PPARGC1A: variants seen among roughly 807,000 people sequenced by gnomAD.
PPARGC1A encodes peroxisome proliferator-activated receptor gamma coactivator 1-alpha.
A neutral mutation model predicts 88.7 loss-of-function variants in PPARGC1A; 25 were observed. The ratio of observed to expected loss-of-function variants is 0.28; its 90% confidence interval spans 0.21 to 0.39. The LOEUF (loss-of-function observed/expected upper bound fraction) is 0.39. Ranked by LOEUF, PPARGC1A falls within the 10% of genes least tolerant of loss-of-function variation. The pLI is 1.00. For synonymous variants in PPARGC1A, 363 were observed against 355.6 expected (o/e 1.02, Z -0.24); for missense variants, 880 against 968.7 (o/e 0.91, Z 1.22).
At chr4:24,383,636 G>C in the PPARGC1A span, among the ~76,000 whole-genome samples, 3 of 152,130 alleles carry the variant, frequency 2.0e-5, no homozygotes, top group African/African-American at 7.2e-5. Flanking sequence ...AGAGATTGAA[G>C]ATTAACTTAA....
At chr4:24,446,901 G>A in the PPARGC1A span, among the ~76,000 whole-genome samples, 2 of 152,108 alleles carry the variant, frequency 1.3e-5, no homozygotes, top group Admixed American at 6.6e-5. Flanking sequence ...CTCCCAGATT[G>A]AATTTATTAA....
At chr4:24,002,087 CA>C in the PPARGC1A span, among the ~76,000 whole-genome samples, 2 of 139,164 alleles carry the variant, frequency 1.4e-5, no homozygotes, top group Admixed American at 7.4e-5. Flanking sequence ...CACACACACA[CA>C]CACACACACA....
the PPARGC1A span, among the ~76,000 whole-genome samples, chr4:23,999,219 T>G: frequency 1.3e-5 from 2 of 152,202 alleles, no homozygotes; most frequent in African/African-American, 4.8e-5. Context: ...TATCGCTGTA[T>G]TAGATGTTGT....
At chr4:24,464,464 A>C in the PPARGC1A span, among the ~76,000 whole-genome samples, 3 of 152,248 alleles carry the variant, frequency 2.0e-5, no homozygotes, top group Admixed American at 6.5e-5. Context: ...TAGGGACTAA[A>C]CTGCTACTGG....
the PPARGC1A span, among the ~76,000 whole-genome samples, chr4:24,172,136 G>A: frequency 0.016 from 2,472 of 152,216 alleles, 71 homozygotes; most frequent in African/African-American, 0.057. Context: ...AAAAAGGCTG[G>A]GGCCAAGCCT....
the PPARGC1A span, among the ~76,000 whole-genome samples, chr4:24,280,861 T>G: frequency 6.6e-6 from 1 of 152,224 alleles, no homozygotes; most frequent in East Asian, 1.9e-4. Context: ...AGCAACTTCT[T>G]GCTGAAGCCT....
the PPARGC1A span, among the ~76,000 whole-genome samples, chr4:24,201,720 T>C: frequency 6.6e-6 from 1 of 152,320 alleles, no homozygotes; most frequent in East Asian, 1.9e-4. Flanking sequence ...AAGTCTCTCT[T>C]CAATGCATTT....
the PPARGC1A span, among the ~76,000 whole-genome samples, chr4:23,994,800 G>A: frequency 6.6e-6 from 1 of 152,146 alleles, no homozygotes; most frequent in Non-Finnish European, 1.5e-5. Context: ...TATCAGAAAT[G>A]ACAGTGACTA....
the PPARGC1A span, among the ~76,000 whole-genome samples, chr4:24,062,769 C>T: frequency 6.6e-6 from 1 of 152,336 alleles, no homozygotes; most frequent in Admixed American, 6.5e-5. Flanking sequence ...GAAACTTTAT[C>T]ATTGACTATA....
the PPARGC1A span, among the ~76,000 whole-genome samples, chr4:24,093,841 C>T: frequency 6.6e-6 from 1 of 152,184 alleles, no homozygotes. Context: ...GGTTACTCAT[C>T]TTCTCTGAGA....
the PPARGC1A span, among the ~76,000 whole-genome samples, chr4:24,171,607 T>A: frequency 6.6e-6 from 1 of 152,148 alleles, no homozygotes; most frequent in African/African-American, 2.4e-5. Context: ...CACTCAGAAA[T>A]ATGCCTGGCA....
chr4:23,899,522 C>A (rs1325696350), upstream of PPARGC1A, among the ~76,000 whole-genome samples: 1 of 152,170 alleles, frequency 6.6e-6, no homozygotes, highest in Non-Finnish European at 1.5e-5. Context: ...CCTATTCATT[C>A]CACTTAGAGT....
intron 7 of PPARGC1A, among the ~76,000 whole-genome samples, chr4:23,819,892 A>G (rs1386918929): frequency 6.6e-6 from 1 of 152,128 alleles, no homozygotes; most frequent in East Asian, 1.9e-4. Flanking sequence ...TTTTCCTTTT[A>G]AAACTACCGA....
chr4:24,297,291 G>A, the PPARGC1A span, among the ~76,000 whole-genome samples: 4 of 152,224 alleles, frequency 2.6e-5, no homozygotes, highest in South Asian at 6.2e-4. Context: ...ACGTAGTAGC[G>A]CTAGAAGATT....
chr4:24,314,732 A>G, the PPARGC1A span, among the ~76,000 whole-genome samples: 850 of 152,312 alleles, frequency 5.6e-3, 19 homozygotes, highest in East Asian at 0.066. Flanking sequence ...TTGCAAAAAC[A>G]AAAATGTGTT....
chr4:23,878,457 G>A (rs184810449), intron 2 of PPARGC1A, among the ~76,000 whole-genome samples: 45 of 152,046 alleles, frequency 3.0e-4, no homozygotes, highest in Admixed American at 6.6e-4. Flanking sequence ...CACGTAACCT[G>A]CATCCTGTGA....
At chr4:24,169,123 T>C in the PPARGC1A span, among the ~76,000 whole-genome samples, 1 of 152,200 alleles carries the variant, frequency 6.6e-6, no homozygotes, top group African/African-American at 2.4e-5. Flanking sequence ...AATGGCACTT[T>C]ACTTTTGTGG....
the PPARGC1A span, among the ~76,000 whole-genome samples, chr4:24,038,800 A>G: frequency 6.6e-6 from 1 of 152,170 alleles, no homozygotes; most frequent in Non-Finnish European, 1.5e-5. Context: ...TTGTAAGTGC[A>G]TACCAGACAC....
rs1194744621 is a variant in PPARGC1A at position 23,887,762 on chromosome 4, GAGA to G, written c.54+2139_54+2141del. Among the ~76,000 whole-genome samples the G allele has an allele frequency of 3.3e-5, 5 of 152,104 alleles. No homozygotes were observed. In the East Asian group the frequency reaches 9.6e-4, roughly 29 times the overall value. On this transcript the variant is annotated intron_variant, in intron 1 of 12. Coordinates refer to ENST00000264867, the MANE Select transcript of PPARGC1A (RefSeq NM_013261.5). ...TGATGGTAAATTTTAAAGAGAGAGA[GAGA>G]AGAAGGAGTGGACTTGGCCACATTA...
Sources: allele counts gnomAD v4.1 joint callset (sites outside exome capture counted in the v4.1 genomes callset), GRCh38; gene constraint gnomAD v4.1.1; transcripts MANE v1.5; gene names NCBI Gene and HGNC (gene_info 2026-07-23, HGNC 2026-07-21).